OPCML: variants seen among roughly 807,000 people sequenced by gnomAD.
OPCML encodes the protein opioid-binding protein/cell adhesion molecule.
OPCML carries 13 observed loss-of-function variants against 37.8 expected under a neutral mutation model. The observed-to-expected ratio is 0.34, with a 90% CI of 0.22 to 0.55. OPCML has a LOEUF of 0.55. Among genes scored for constraint, OPCML ranks in the 20% least tolerant of loss-of-function variants. The pLI is 0.91. For missense variants in OPCML, 341 were observed against 435.6 expected, an observed-to-expected ratio of 0.78 and a Z score of 1.93; for synonymous variants, 176 against 168.8, an observed-to-expected ratio of 1.04 and a Z score of -0.33.
At chr11:133,301,155 T>C (rs913329223) in intron 1 of OPCML, 4 of 152,182 alleles carry the variant, frequency 2.6e-5, no homozygotes, top group Non-Finnish European at 5.9e-5. Context: ...CTCCTTTCAC[T>C]CTCAAAACAG....
intron 1 of OPCML, among the ~76,000 whole-genome samples, chr11:133,479,432 A>T (rs1409164975): frequency 2.0e-5 from 3 of 152,198 alleles, no homozygotes; most frequent in Non-Finnish European, 2.9e-5. Context: ...ACCAGAACAG[A>T]TTAAAGGAGT....
intron 4 of OPCML, among the ~76,000 whole-genome samples, chr11:132,516,840 T>C (rs1039075376): frequency 1.3e-5 from 2 of 152,154 alleles, no homozygotes; most frequent in African/African-American, 4.8e-5. Context: ...TTAATTACTC[T>C]ATGACTCAGA....
intron 4 of OPCML, among the ~76,000 whole-genome samples, chr11:132,475,950 T>C (rs2096153908): frequency 6.6e-6 from 1 of 152,208 alleles, no homozygotes; most frequent in Non-Finnish European, 1.5e-5. Context: ...GCAAGTAACC[T>C]AACCTCTTTT....
At chr11:133,045,551 G>T (rs1157885804) in intron 1 of OPCML, among the ~76,000 whole-genome samples, 2 of 152,190 alleles carry the variant, frequency 1.3e-5, no homozygotes, top group Admixed American at 6.5e-5. Flanking sequence ...CTCTAAAATA[G>T]ATGATAAAGG....
intron 2 of OPCML, among the ~76,000 whole-genome samples, chr11:132,863,795 C>T (rs922540609): frequency 3.9e-5 from 6 of 152,118 alleles, no homozygotes; most frequent in Non-Finnish European, 5.9e-5. Flanking sequence ...TGGCTGGGTT[C>T]CCCACTCAGT....
At chr11:133,086,317 G>GA (rs1441866343) in intron 1 of OPCML, among the ~76,000 whole-genome samples, 6 of 151,992 alleles carry the variant, frequency 3.9e-5, no homozygotes, top group African/African-American at 9.7e-5. Flanking sequence ...CATAAAATGT[G>GA]ATGTGATTTT....
In OPCML at chr11:132,570,754, A is replaced by AGT. The variant is rs1433884798; in HGVS notation, c.380-41570_380-41569dup. Among the ~76,000 whole-genome samples the AGT allele has an allele frequency of 5.5e-4, 29 of 52,558 alleles. No homozygotes were observed. In the South Asian group the frequency reaches 0.02, roughly 37 times the overall value. The allele number at this position is 52,558 out of a possible 152,430, so 34.5% of individuals were successfully genotyped here. A position where few individuals can be genotyped will look rare whatever the true frequency, so the allele number is the denominator to read the frequency against. On this transcript the variant is annotated intron_variant, in intron 3 of 7. Transcript: ENST00000524381. ...ACTCAGGGGAATAGGCAGGAAAGAGAGTATATATATATATATATATATATA... is the reference window on the plus strand; with the variant it reads ...ACTCAGGGGAATAGGCAGGAAAGAGAGTGTATATATATATATATATATATATA...
intron 1 of OPCML, among the ~76,000 whole-genome samples, chr11:133,365,047 TTCACAC>T (rs1237523563): frequency 1.0e-5 from 1 of 96,884 alleles, no homozygotes; most frequent in East Asian, 3.7e-4. Flanking sequence ...CTCTCTCTCT[TTCACAC>T]ACACACACAC....
Position 133,532,270 on chromosome 11 carries a change from T to G in OPCML, c.55A>C (p.Ile19Leu), listed in dbSNP as rs1948622348. The G allele has an allele frequency of 6.2e-7, 1 of 1,613,810 alleles. No homozygotes were observed. The highest frequency in any genetic ancestry group is 8.5e-7 in the Non-Finnish European group (1 of 1,179,958). ...VFSATTALLF[I>L]PGVPVRSGDA... ...CCCTTCCCCTGTACGGTACCTGGGA[T>G]GAAGAGCAGGGCAGTTGTCGCCGAG... Residue 19 changes from isoleucine (I) to leucine (L), a missense_variant, in exon 1 of 8, where the codon ATC becomes CTC. By Grantham distance (5) the Ile-to-Leu change is conservative. Coordinates refer to ENST00000524381, the MANE Select transcript of OPCML (RefSeq NM_001012393.5).
intron 1 of OPCML, among the ~76,000 whole-genome samples, chr11:133,314,482 T>G (rs1304256341): frequency 1.3e-5 from 2 of 151,676 alleles, no homozygotes; most frequent in Non-Finnish European, 2.9e-5. Flanking sequence ...AACCATGGAT[T>G]GGCTTCTGCA....
chr11:133,063,749 A>G (rs1201660908), intron 1 of OPCML, among the ~76,000 whole-genome samples: 1 of 152,080 alleles, frequency 6.6e-6, no homozygotes, highest in East Asian at 1.9e-4. Flanking sequence ...TTTAGTAGAG[A>G]CGAAGTTTCA....
intron 2 of OPCML, among the ~76,000 whole-genome samples, chr11:132,754,860 C>G (rs796328940): frequency 6.6e-6 from 1 of 152,078 alleles, no homozygotes; most frequent in Non-Finnish European, 1.5e-5. Context: ...GGAAATCAAG[C>G]AGTTCAGAAT....
At chr11:132,916,191 T>C (rs1944596796) in intron 2 of OPCML, among the ~76,000 whole-genome samples, 1 of 152,228 alleles carries the variant, frequency 6.6e-6, no homozygotes, top group Non-Finnish European at 1.5e-5. Context: ...AACATATATA[T>C]GCATCCTTAT....
rs760394315 is a variant in OPCML at position 133,107,411 on chromosome 11, C to G, written c.62-164401G>C. Among the ~76,000 whole-genome samples the G allele has an allele frequency of 2.0e-5, 3 of 152,224 alleles. No homozygotes were observed. In the South Asian group the frequency reaches 6.2e-4, roughly 32 times the overall value. On this transcript the variant is annotated intron_variant, in intron 1 of 7. Coordinates refer to ENST00000524381, the MANE Select transcript of OPCML (RefSeq NM_001012393.5). ...ACGACAAAATGCCCTCACTGATTTA[C>G]AGAGGCATTGCTGTCCTTGTCCATG... is the stretch of plus-strand genomic sequence containing the variant.
At chr11:132,633,894 TC>T (rs1399178419) in intron 3 of OPCML, among the ~76,000 whole-genome samples, 1 of 141,136 alleles carries the variant, frequency 7.1e-6, no homozygotes, top group Non-Finnish European at 1.6e-5. Flanking sequence ...ATGTAAGAAA[TC>T]GGGGGTGGGA....
At chr11:132,825,341 A>G (rs1940241133) in intron 2 of OPCML, among the ~76,000 whole-genome samples, 1 of 152,078 alleles carries the variant, frequency 6.6e-6, no homozygotes, top group South Asian at 2.1e-4. Context: ...AAAACCCTCA[A>G]CTATGCCTGC....
chr11:133,047,323 G>A (rs984833575), intron 1 of OPCML, among the ~76,000 whole-genome samples: 65 of 152,330 alleles, frequency 4.3e-4, no homozygotes, highest in African/African-American at 1.4e-3. Context: ...TTTCTTCATC[G>A]TGATGCAGCT....
chr11:132,620,497 T>C (rs895789408), intron 3 of OPCML, among the ~76,000 whole-genome samples: 10 of 152,224 alleles, frequency 6.6e-5, no homozygotes, highest in African/African-American at 2.2e-4. Context: ...TGAAATCACA[T>C]GGCAGAGAGA....
At chr11:133,037,076 A>T (rs1293948303) in intron 1 of OPCML, among the ~76,000 whole-genome samples, 1 of 152,158 alleles carries the variant, frequency 6.6e-6, no homozygotes, top group Non-Finnish European at 1.5e-5. Context: ...TCGAAAACAT[A>T]CAAACCAGGC....
Sources: gnomAD v4.1 joint callset for allele counts (sites outside exome capture counted in the v4.1 genomes callset) on GRCh38, gnomAD v4.1.1 for gene constraint, MANE v1.5 for transcripts, NCBI Gene and HGNC (gene_info 2026-07-23, HGNC 2026-07-21) for gene names.